The following EFCAB6 variants were observed in gnomAD, a reference collection of about 807,000 sequenced individuals.
EFCAB6 encodes the protein EF-hand calcium binding domain 6, also known as EF-hand calcium-binding domain-containing protein 6.
In EFCAB6, 156 loss-of-function variants were observed where a neutral mutation model predicts 169.8. That is an observed-to-expected ratio of 0.92 (90% CI 0.81 to 1.05). EFCAB6 has a LOEUF of 1.05. Ranked by LOEUF, EFCAB6 falls within the 50% of genes least tolerant of loss-of-function variation. The probability of loss-of-function intolerance (pLI) is 0.00; values close to 1 mark genes in which losing one functional copy is unlikely to be tolerated. For missense variants in EFCAB6, 1,800 were observed against 1,829.1 expected (o/e 0.98, Z 0.29); for synonymous variants, 698 against 676.4 (o/e 1.03, Z -0.50).
At chr22:43,640,133 G>C (rs140384652) in intron 17 of EFCAB6, among the ~76,000 whole-genome samples, 195 of 152,154 alleles carry the variant, frequency 1.3e-3, no homozygotes, top group African/African-American at 4.4e-3. Flanking sequence ...TCATCTTAGA[G>C]TCTCTTAAGA....
rs56876926 is a variant in EFCAB6 at position 43,614,808 on chromosome 22, G to A, written c.2562+1018C>T. Among the ~76,000 whole-genome samples, 295 of 152,184 alleles carry A rather than the reference G, an allele frequency of 1.9e-3. 2 individuals are homozygous for A. The Middle Eastern group carries it at 0.02, about 11-fold the overall frequency. On this transcript the variant is annotated intron_variant, in intron 21 of 31. Coordinates refer to ENST00000262726, the MANE Select transcript of EFCAB6 (RefSeq NM_022785.4). ...CACAGCACAGACAGTCCACTCTATA[G>A]AGTCCACAGTGCAGCAAGTCCTGTC...
At chr22:43,557,662 C>T (rs748774709) in intron 26 of EFCAB6, among the ~76,000 whole-genome samples, 21 of 151,906 alleles carry the variant, frequency 1.4e-4, no homozygotes, top group African/African-American at 4.8e-4. Context: ...GAGTCATATT[C>T]CAATTATTGT....
rs2058264779 is a variant in EFCAB6 at position 43,687,928 on chromosome 22, C to T, written c.1032-347G>A. Among the ~76,000 whole-genome samples the T allele has an allele frequency of 3.9e-5, 6 of 152,274 alleles. No homozygotes were observed. The South Asian group carries it at 1.2e-3, about 32-fold the overall frequency. The stretch of plus-strand genomic sequence containing the variant: ...GTTGTGGCAGGGAGGACAATGGCCC[C>T]CATGGGGTCCACCCTCTAATCCTGA... On this transcript the variant is annotated intron_variant, in intron 10 of 31. Transcript: ENST00000262726.
chr22:43,654,409 G>A lies in EFCAB6; in HGVS notation c.1983+12695C>T, dbSNP rs1252192243. Among the ~76,000 whole-genome samples the A allele has an allele frequency of 4.6e-5, 7 of 152,300 alleles. No homozygotes were observed. In the East Asian group the frequency reaches 1.4e-3, roughly 29 times the overall value. On this transcript the variant is annotated intron_variant, in intron 17 of 31. Coordinates refer to ENST00000262726, the MANE Select transcript of EFCAB6 (RefSeq NM_022785.4). Reference sequence around the variant, plus strand: ...AACCTCTGCCAGGTGACAAAGTCAGGTAACACACTTCAGCCAGTGACAGGT... The same window carrying A: ...AACCTCTGCCAGGTGACAAAGTCAGATAACACACTTCAGCCAGTGACAGGT...
rs1030146132 is a variant in EFCAB6 at position 43,689,378 on chromosome 22, C to CACAG, written c.1032-1798_1032-1797insCTGT. On this transcript the variant is annotated intron_variant, in intron 10 of 31. Transcript: ENST00000262726. ...ACACACACACACACACACACACACA[C>CACAG]AGCAGCATCTTCGTCTTTGCCCAAG... is the stretch of plus-strand genomic sequence containing the variant. 9.2e-5 allele frequency among the ~76,000 whole-genome samples: 14 copies of CACAG among 151,998 alleles called. No homozygotes were observed. In the South Asian group the frequency reaches 1.0e-3, roughly 11 times the overall value.
rs1453501071 is a variant in EFCAB6 at position 43,572,628 on chromosome 22, G to A, written c.3420+3669C>T. ...CTGTGGATGCCATCGCACTAGCAGT[G>A]CCGGCCAGTCCCTTGCCCGATGTCA... On this transcript the variant is annotated intron_variant, in intron 26 of 31. Transcript: ENST00000262726. This position sits in a 1 kb window ranked among gnomAD's most constrained non-coding sequence, Gnocchi z 4.0. 6.6e-6 allele frequency among the ~76,000 whole-genome samples: 1 copy of A among 152,184 alleles called. No individual in the cohort carries two copies. The highest frequency in any genetic ancestry group is 2.4e-5 in the African/African-American group (1 of 41,442).
intron 27 of EFCAB6, among the ~76,000 whole-genome samples, chr22:43,549,989 A>G (rs901373784): frequency 6.6e-6 from 1 of 152,254 alleles, no homozygotes; most frequent in African/African-American, 2.4e-5. Context: ...TCTTAGCCAA[A>G]TAGGAATAAA....
chr22:43,753,137 C>G (rs2060830636), intron 6 of EFCAB6, among the ~76,000 whole-genome samples: 2 of 152,178 alleles, frequency 1.3e-5, no homozygotes, highest in African/African-American at 4.8e-5. Flanking sequence ...GCAGCAGAGG[C>G]AGGGTTTCAG....
At chr22:43,778,106 G>GA (rs915256280) in intron 3 of EFCAB6, among the ~76,000 whole-genome samples, 22 of 152,210 alleles carry the variant, frequency 1.4e-4, no homozygotes, top group African/African-American at 5.3e-4. Flanking sequence ...ACTCGTCAGA[G>GA]AAAAAAGAAT....
intron 17 of EFCAB6, among the ~76,000 whole-genome samples, chr22:43,650,960 C>T (rs2056437635): frequency 6.6e-6 from 1 of 152,180 alleles, no homozygotes; most frequent in Non-Finnish European, 1.5e-5. Flanking sequence ...ATGTTAAAAG[C>T]ATTCAGTTTT....
At chr22:43,797,696 C>T (rs918859042) in intron 2 of EFCAB6, among the ~76,000 whole-genome samples, 1 of 151,972 alleles carries the variant, frequency 6.6e-6, no homozygotes, top group Non-Finnish European at 1.5e-5. Flanking sequence ...AAATGCTGAT[C>T]TCCTCGTGTT....
intron 2 of EFCAB6, among the ~76,000 whole-genome samples, chr22:43,788,762 T>C (rs1042306565): frequency 6.6e-6 from 1 of 151,874 alleles, no homozygotes; most frequent in Non-Finnish European, 1.5e-5. Context: ...CATACATCCA[T>C]CAAAAAAAAG....
intron 10 of EFCAB6, among the ~76,000 whole-genome samples, chr22:43,710,102 G>T (rs2059108121): frequency 6.6e-6 from 1 of 152,100 alleles, no homozygotes; most frequent in South Asian, 2.1e-4. Flanking sequence ...CCCAAAAAAG[G>T]TTCTCTGTCT....
chr22:43,745,839 A>T (rs1424401378), intron 6 of EFCAB6, among the ~76,000 whole-genome samples: 1 of 152,222 alleles, frequency 6.6e-6, no homozygotes, highest in Non-Finnish European at 1.5e-5. Flanking sequence ...AGGGGGAAAA[A>T]AGAACAACAC....
chr22:43,637,344 T>A (rs1180808527), intron 17 of EFCAB6, among the ~76,000 whole-genome samples: 1 of 152,214 alleles, frequency 6.6e-6, no homozygotes, highest in Non-Finnish European at 1.5e-5. Context: ...GTCATCAGCT[T>A]CCTTTGTTTT....
At chr22:43,722,783 G>C (rs1349549172) in intron 8 of EFCAB6, among the ~76,000 whole-genome samples, 1 of 148,468 alleles carries the variant, frequency 6.7e-6, no homozygotes, top group East Asian at 1.9e-4. Context: ...ATTCACCATA[G>C]CAAAGACATG....
intron 20 of EFCAB6, among the ~76,000 whole-genome samples, chr22:43,624,017 C>T (rs1195344240): frequency 1.3e-5 from 2 of 152,006 alleles, no homozygotes; most frequent in African/African-American, 4.8e-5. Context: ...GAGGAGGTGG[C>T]CCCTCCCAAC....
intron 3 of EFCAB6, among the ~76,000 whole-genome samples, chr22:43,780,880 C>A (rs2061801094): frequency 6.6e-6 from 1 of 152,182 alleles, no homozygotes; most frequent in Non-Finnish European, 1.5e-5. Context: ...CAAGGCAAAA[C>A]CTAACTTCTT....
intron 17 of EFCAB6, among the ~76,000 whole-genome samples, chr22:43,643,485 G>A (rs1368264082): frequency 1.3e-5 from 2 of 152,252 alleles, no homozygotes; most frequent in Non-Finnish European, 2.9e-5. Context: ...GAGCCACTCA[G>A]GTGACTGCTG....
Sources: allele counts gnomAD v4.1 joint callset (sites outside exome capture counted in the v4.1 genomes callset), GRCh38; gene constraint gnomAD v4.1.1; non-coding constraint Gnocchi (gnomAD v3.1); transcripts MANE v1.5; gene names NCBI Gene and HGNC (gene_info 2026-07-23, HGNC 2026-07-21).